Variants in VPS41 observed in about 807,000 individuals in gnomAD.
VPS41 encodes VPS41 subunit of HOPS complex, also known as vacuolar protein sorting-associated protein 41 homolog.
VPS41 carries 85 observed loss-of-function variants against 130.9 expected under a neutral mutation model. The observed-to-expected ratio is 0.65, with a 90% CI of 0.55 to 0.78. The LOEUF is 0.78. Among genes scored for constraint, VPS41 ranks in the 30% least tolerant of loss-of-function variants. The pLI is 0.00. For synonymous variants in VPS41, 335 were observed against 332.9 expected (o/e 1.01, Z -0.07); for missense variants, 874 against 1,018.7 (o/e 0.86, Z 1.93).
In VPS41 at chr7:38,895,068, TC is replaced by T. The variant is rs201350250; in HGVS notation, c.60+3022del. Among the ~76,000 whole-genome samples the T allele has an allele frequency of 5.9e-5, 9 of 152,358 alleles. No individual in the cohort carries two copies. In the East Asian group the frequency reaches 1.7e-3, roughly 29 times the overall value. On this transcript the variant is annotated intron_variant, in intron 2 of 28. Coordinates refer to ENST00000310301, the MANE Select transcript of VPS41 (RefSeq NM_014396.4). The stretch of plus-strand genomic sequence containing the variant: ...CAGGCACGGTGGCTCACGCCTATAA[TC>T]CCAACACTTTGGGAGGCTGAGGCAG...
At chr7:38,776,610 A>T in intron 11 of VPS41, 69 bp downstream of exon 11, 1 of 850,688 alleles carries the variant, frequency 1.2e-6, no homozygotes, top group Non-Finnish European at 2.0e-6. Flanking sequence ...ACTGATGAAC[A>T]ACCTGATCTG....
intron 4 of VPS41, among the ~76,000 whole-genome samples, chr7:38,857,122 A>G (rs979545887): frequency 6.6e-6 from 1 of 152,214 alleles, no homozygotes; most frequent in East Asian, 1.9e-4. Flanking sequence ...AATACAGTCC[A>G]TTAGTTTAAT....
intron 10 of VPS41, among the ~76,000 whole-genome samples, chr7:38,780,187 GTTT>G (rs11349359): frequency 7.4e-6 from 1 of 134,818 alleles, no homozygotes. Context: ...TTTGGTTTTT[GTTT>G]TTTTTTTTTT....
intron 7 of VPS41, among the ~76,000 whole-genome samples, chr7:38,813,930 T>A (rs1025348115): frequency 3.3e-5 from 5 of 152,222 alleles, no homozygotes; most frequent in Admixed American, 1.3e-4. Context: ...GAACAGCTTG[T>A]CAAGTAGTCA....
intron 1 of VPS41, among the ~76,000 whole-genome samples, chr7:38,905,670 T>A (rs1226666841): frequency 6.6e-6 from 1 of 152,324 alleles, no homozygotes; most frequent in East Asian, 1.9e-4. Context: ...CATTTAGTTT[T>A]GTGTTGCTAA....
intron 14 of VPS41, 58 bp downstream of exon 14, chr7:38,771,138 GTC>G: frequency 8.4e-7 from 1 of 1,192,288 alleles, no homozygotes; most frequent in Non-Finnish European, 1.2e-6. Context: ...ATTATTTTCA[GTC>G]TCACTATAAC....
At chr7:38,856,014 G>A (rs1211700822) in intron 4 of VPS41, among the ~76,000 whole-genome samples, 1 of 152,058 alleles carries the variant, frequency 6.6e-6, no homozygotes, top group Non-Finnish European at 1.5e-5. Context: ...TTCTCTTCCT[G>A]GTTTGCAGAC....
chr7:38,877,911 C>A (rs1046385297), intron 2 of VPS41, among the ~76,000 whole-genome samples: 1 of 152,178 alleles, frequency 6.6e-6, no homozygotes, highest in Non-Finnish European at 1.5e-5. Flanking sequence ...CTTGCCCCAG[C>A]CTCACAGAGC....
chr7:38,762,979 CAT>C (rs956684968), intron 17 of VPS41, among the ~76,000 whole-genome samples: 1 of 152,092 alleles, frequency 6.6e-6, no homozygotes, highest in African/African-American at 2.4e-5. Flanking sequence ...AGAGTTCAAT[CAT>C]GTGCAATAAC....
chr7:38,731,820 T>C (rs1795669662), intron 25 of VPS41, among the ~76,000 whole-genome samples: 1 of 152,162 alleles, frequency 6.6e-6, no homozygotes, highest in South Asian at 2.1e-4. Context: ...ACCCAGTCCC[T>C]ACCACCTAGA....
At chr7:38,774,646 CAAAATA>C (rs1483954467) in intron 11 of VPS41, among the ~76,000 whole-genome samples, 1 of 151,722 alleles carries the variant, frequency 6.6e-6, no homozygotes, top group African/African-American at 2.4e-5. Context: ...ATATTTTGAA[CAAAATA>C]AAAAGAAAAT....
rs549534395 is a variant in VPS41 at position 38,795,059 on chromosome 7, C to G, written c.717+406G>C. 2.0e-4 allele frequency among the ~76,000 whole-genome samples: 30 copies of G among 152,210 alleles called. No homozygotes were observed. The South Asian group carries it at 6.2e-3, about 32-fold the overall frequency. ...CAGGATGATTTAATTTTAACCTTCT[C>G]TCTCCACTATCAATAACTCTAATGA... On this transcript the variant is annotated intron_variant, in intron 9 of 28. Transcript: ENST00000310301.
chr7:38,810,276 C>T (rs1263757900), intron 7 of VPS41, among the ~76,000 whole-genome samples: 1 of 151,960 alleles, frequency 6.6e-6, no homozygotes, highest in Non-Finnish European at 1.5e-5. Context: ...AGTCCTAGTC[C>T]CTGGTGGATA....
chr7:38,821,715 A>AAAG (rs1554293404), intron 5 of VPS41, among the ~76,000 whole-genome samples: 1 of 151,346 alleles, frequency 6.6e-6, no homozygotes, highest in East Asian at 1.9e-4. Context: ...TCAAAAAAAA[A>AAAG]AAAAAAGAAA....
intron 2 of VPS41, among the ~76,000 whole-genome samples, chr7:38,879,016 T>C (rs1786547317): frequency 6.6e-6 from 1 of 152,218 alleles, no homozygotes; most frequent in Admixed American, 6.5e-5. Flanking sequence ...ACAGTATGAC[T>C]AGAAAGAACA....
intron 4 of VPS41, among the ~76,000 whole-genome samples, chr7:38,843,374 A>T (rs946874381): frequency 3.9e-5 from 6 of 152,116 alleles, no homozygotes; most frequent in African/African-American, 1.2e-4. Context: ...TTTAAAGATG[A>T]CTCTATGCCT....
intron 19 of VPS41, 104 bp from the exon 20 acceptor site, chr7:38,755,040 A>AT: frequency 9.8e-7 from 1 of 1,015,438 alleles, no homozygotes; most frequent in Non-Finnish European, 1.5e-6. Context: ...TGGAAGGCTT[A>AT]TTTTGTATAC....
chr7:38,775,370 C>T (rs1382037234), intron 11 of VPS41: 3 of 152,120 alleles, frequency 2.0e-5, no homozygotes, highest in Admixed American at 6.6e-5. Context: ...ATGAGGTTGG[C>T]CTATCTTTGG....
intron 2 of VPS41, among the ~76,000 whole-genome samples, chr7:38,879,290 T>C (rs1262807418): frequency 1.3e-5 from 2 of 152,108 alleles, no homozygotes; most frequent in Admixed American, 6.5e-5. Context: ...ACTACAGAAA[T>C]GGGCAGCAAC....
Sources: allele counts gnomAD v4.1 joint callset (sites outside exome capture counted in the v4.1 genomes callset), GRCh38; gene constraint gnomAD v4.1.1; transcripts MANE v1.5; gene names NCBI Gene and HGNC (gene_info 2026-07-23, HGNC 2026-07-21).